Variants in OR3A2 observed in about 807,000 individuals in gnomAD.
OR3A2 encodes olfactory receptor family 3 subfamily A member 2, also known as olfactory receptor 3A2.
For synonymous variants in OR3A2, 126 were observed against 159.3 expected, an observed-to-expected ratio of 0.79 and a Z score of 1.57; for missense variants, 318 against 392.8, an observed-to-expected ratio of 0.81 and a Z score of 1.61.
chr17:3,337,895 T>A (rs1385592816), intron 2 of OR3A2, among the ~76,000 whole-genome samples: 1 of 152,194 alleles, frequency 6.6e-6, no homozygotes, highest in African/African-American at 2.4e-5. Context: ...CCACCAACAG[T>A]GTAAAAGTGT....
chr17:3,347,362 T>C (rs1344888757), intron 2 of OR3A2, among the ~76,000 whole-genome samples: 1 of 152,172 alleles, frequency 6.6e-6, no homozygotes, highest in East Asian at 1.9e-4. Context: ...TCTTCTAGCA[T>C]TAGGTATATC....
chr17:3,290,537 G>C (rs2048855998), intron 3 of OR3A2, among the ~76,000 whole-genome samples: 1 of 152,098 alleles, frequency 6.6e-6, no homozygotes, highest in Non-Finnish European at 1.5e-5. Context: ...AAATATTATA[G>C]AGAAGCCAAG....
chr17:3,346,318 C>A (rs2049363631), intron 2 of OR3A2, among the ~76,000 whole-genome samples: 2 of 152,052 alleles, frequency 1.3e-5, no homozygotes, highest in South Asian at 4.1e-4. Flanking sequence ...TATAGGCAGG[C>A]AATGTGTGCA....
intron 2 of OR3A2, among the ~76,000 whole-genome samples, chr17:3,357,325 C>T (rs2095453090): frequency 6.6e-6 from 1 of 151,588 alleles, no homozygotes; most frequent in African/African-American, 2.4e-5. Context: ...TCACCTAATC[C>T]TTGGTGCAAG....
chr17:3,318,938 T>C (rs749503070), intron 3 of OR3A2, among the ~76,000 whole-genome samples: 2 of 148,218 alleles, frequency 1.3e-5, no homozygotes, highest in African/African-American at 5.2e-5. Context: ...TTTCCTATTG[T>C]AGTTTTACTT....
chr17:3,376,806 C>T (rs1469252413), intron 2 of OR3A2, among the ~76,000 whole-genome samples: 1 of 147,598 alleles, frequency 6.8e-6, no homozygotes, highest in African/African-American at 2.5e-5. Flanking sequence ...GCCCCTCCCC[C>T]AATTCTGCTG....
Position 3,352,433 on chromosome 17 carries a change from T to C in OR3A2, c.-178-16307A>G, listed in dbSNP as rs796431841. 9.2e-5 allele frequency among the ~76,000 whole-genome samples: 14 copies of C among 152,050 alleles called. 1 individual carries two copies. The highest frequency in any genetic ancestry group is 3.1e-4 in the African/African-American group (13 of 41,510). The stretch of plus-strand genomic sequence containing the variant: ...TCCATTTTGATTTGATTTTTATTTA[T>C]GATGAGAGACAGGGGTCTAGTTTTA... On this transcript the variant is annotated intron_variant, in intron 2 of 4. Coordinates refer to the OR3A2 transcript ENST00000573491.
At chr17:3,279,238 G>A in intron 1 of OR3A2, 85 bp from the exon 4 acceptor site, 1 of 407,660 alleles carries the variant, frequency 2.5e-6, no homozygotes, top group Non-Finnish European at 4.3e-6. Context: ...CTCGCCACAG[G>A]GGGGAAATGG....
chr17:3,305,345 T>C (rs2048991362), intron 3 of OR3A2, among the ~76,000 whole-genome samples: 1 of 152,138 alleles, frequency 6.6e-6, no homozygotes, highest in African/African-American at 2.4e-5. Context: ...GAAACAAAGA[T>C]ATAGGCAAGG....
At chr17:3,285,171 G>C (rs2150618452), upstream of OR3A2, among the ~76,000 whole-genome samples, 1 of 152,246 alleles carries the variant, frequency 6.6e-6, no homozygotes, top group East Asian at 1.9e-4. Flanking sequence ...AAGGTGGCAG[G>C]TTAATGAACA....
intron 3 of OR3A2, among the ~76,000 whole-genome samples, chr17:3,289,674 A>G (rs912688376): frequency 6.6e-6 from 1 of 152,186 alleles, no homozygotes; most frequent in African/African-American, 2.4e-5. Flanking sequence ...CTCGCAGTGG[A>G]AGAACCTTAA....
At chr17:3,347,789 G>C (rs1219148715) in intron 2 of OR3A2, among the ~76,000 whole-genome samples, 1 of 152,134 alleles carries the variant, frequency 6.6e-6, no homozygotes, top group Non-Finnish European at 1.5e-5. Flanking sequence ...CAAATACTAT[G>C]TCTAGTTCTA....
At chr17:3,283,940 C>T (rs2048792210) in intron 1 of OR3A2, among the ~76,000 whole-genome samples, 1 of 142,628 alleles carries the variant, frequency 7.0e-6, no homozygotes, top group South Asian at 2.4e-4. Flanking sequence ...TGACAGGGTC[C>T]CCACGAGGCC....
intron 3 of OR3A2, among the ~76,000 whole-genome samples, chr17:3,332,254 C>T (rs1023400505): frequency 9.2e-5 from 14 of 152,348 alleles, no homozygotes; most frequent in Admixed American, 2.6e-4. Flanking sequence ...TCGAGCTTCG[C>T]GGCTGCTTTG....
rs571871735 is a variant in OR3A2 at position 3,318,687 on chromosome 17, T to C, written c.-85+17346A>G. 4.6e-5 allele frequency among the ~76,000 whole-genome samples: 7 copies of C among 152,316 alleles called. No individual in the cohort carries two copies. In the East Asian group the frequency reaches 1.3e-3, roughly 29 times the overall value. On this transcript the variant is annotated intron_variant, in intron 3 of 4. Transcript: ENST00000573491. The stretch of plus-strand genomic sequence containing the variant: ...CATTATCAACCCTCTATCTTCACCC[T>C]TTAGGTTGTTTCCAGTTTTTCACTA...
intron 2 of OR3A2, among the ~76,000 whole-genome samples, chr17:3,367,411 G>A (rs1395565092): frequency 2.3e-5 from 3 of 133,102 alleles, no homozygotes; most frequent in Non-Finnish European, 4.8e-5. Context: ...TCATTCTTAT[G>A]CTTTTGCGTC....
At chr17:3,298,655 T>A (rs1204537062) in intron 3 of OR3A2, among the ~76,000 whole-genome samples, 6 of 152,162 alleles carry the variant, frequency 3.9e-5, no homozygotes, top group Non-Finnish European at 8.8e-5. Flanking sequence ...ATTTGACCAC[T>A]TGGTAACAAC....
chr17:3,280,049 G>T (rs1202260382), intron 1 of OR3A2, among the ~76,000 whole-genome samples: 4 of 152,112 alleles, frequency 2.6e-5, no homozygotes, highest in Non-Finnish European at 4.4e-5. Flanking sequence ...ACTGTAAAAT[G>T]ATGTTTTTCT....
At chr17:3,278,871 A>C (rs756697701) in exon 2 of OR3A2, 4 of 1,516,984 alleles carry the variant, frequency 2.6e-6, no homozygotes, top group Non-Finnish European at 3.5e-6. Context: ...GCCCAGTAGA[A>C]TGAACTCAGC....
Sources: allele counts gnomAD v4.1 joint callset (sites outside exome capture counted in the v4.1 genomes callset), GRCh38; gene constraint gnomAD v4.1.1; transcripts MANE v1.5; gene names NCBI Gene and HGNC (gene_info 2026-07-23, HGNC 2026-07-21).